The following POFUT3 variants were observed in gnomAD, a reference collection of about 807,000 sequenced individuals.
POFUT3 encodes GDP-fucose protein O-fucosyltransferase 3.
the POFUT3 span, among the ~76,000 whole-genome samples, chr8:33,384,315 C>T: frequency 1.3e-5 from 2 of 152,170 alleles, no homozygotes; most frequent in Admixed American, 1.3e-4. Flanking sequence ...GATCTACCAG[C>T]AACAATGATC....
the POFUT3 span, among the ~76,000 whole-genome samples, chr8:33,449,158 T>C: frequency 6.6e-6 from 1 of 151,874 alleles, no homozygotes; most frequent in East Asian, 1.9e-4. Flanking sequence ...GTGCCTGATA[T>C]ACAGTACTCA....
chr8:33,396,231 C>T, the POFUT3 span, among the ~76,000 whole-genome samples: 24 of 152,206 alleles, frequency 1.6e-4, no homozygotes, highest in East Asian at 4.3e-3. Context: ...CCTCTCCAGT[C>T]GAAGCGTAGC....
the POFUT3 span, chr8:33,436,167 C>T: frequency 8.1e-7 from 1 of 1,227,180 alleles, no homozygotes; most frequent in African/African-American, 1.5e-5. Context: ...AAATTAAGGT[C>T]CACGGTTCCT....
chr8:33,384,881 A>G, the POFUT3 span, among the ~76,000 whole-genome samples: 1 of 152,028 alleles, frequency 6.6e-6, no homozygotes, highest in Non-Finnish European at 1.5e-5. Context: ...ACTAACTCAG[A>G]CTCAGGGACC....
At chr8:33,434,233 C>T in the POFUT3 span, among the ~76,000 whole-genome samples, 1 of 152,214 alleles carries the variant, frequency 6.6e-6, no homozygotes, top group Non-Finnish European at 1.5e-5. Context: ...TGCACTCCAG[C>T]CTGGGCAGCA....
At chr8:33,312,894 C>T in the POFUT3 span, among the ~76,000 whole-genome samples, 1 of 152,138 alleles carries the variant, frequency 6.6e-6, no homozygotes, top group African/African-American at 2.4e-5. Flanking sequence ...TGCCTTCTAG[C>T]ACCTAGGCCA....
the POFUT3 span, among the ~76,000 whole-genome samples, chr8:33,407,664 G>A: frequency 6.6e-6 from 1 of 152,144 alleles, no homozygotes; most frequent in South Asian, 2.1e-4. Flanking sequence ...AGTTTCCACA[G>A]GGACTCTCCC....
the POFUT3 span, among the ~76,000 whole-genome samples, chr8:33,386,676 G>A: frequency 7.2e-5 from 11 of 152,086 alleles, no homozygotes; most frequent in Non-Finnish European, 1.2e-4. Context: ...CAGGCGTGGT[G>A]GCGGGTGCCT....
the POFUT3 span, chr8:33,372,939 G>C: frequency 3.0e-5 from 23 of 764,968 alleles, no homozygotes; most frequent in Admixed American, 4.3e-4. Context: ...CTCACATATT[G>C]CCTCACTTAA....
the POFUT3 span, chr8:33,394,257 TG>T: frequency 1.0e-5 from 2 of 192,970 alleles, no homozygotes; most frequent in Non-Finnish European, 2.2e-5. Context: ...TCTTGGGACC[TG>T]GCATGAGGTA....
the POFUT3 span, among the ~76,000 whole-genome samples, chr8:33,467,767 G>A: frequency 2.6e-5 from 4 of 152,128 alleles, no homozygotes; most frequent in Non-Finnish European, 1.5e-5. Context: ...GACAGAAGAG[G>A]GACTGAATAT....
chr8:33,351,461 G>A, the POFUT3 span, among the ~76,000 whole-genome samples: 1 of 152,028 alleles, frequency 6.6e-6, no homozygotes, highest in Non-Finnish European at 1.5e-5. Context: ...GGGGGTGTGA[G>A]TGAGTTCTTG....
chr8:33,428,160 CCTT>C, the POFUT3 span, among the ~76,000 whole-genome samples: 1 of 152,062 alleles, frequency 6.6e-6, no homozygotes, highest in African/African-American at 2.4e-5. Context: ...TTCCTCATCT[CCTT>C]CTCTCTCCTG....
At chr8:33,466,024 A>T in the POFUT3 span, among the ~76,000 whole-genome samples, 1 of 152,204 alleles carries the variant, frequency 6.6e-6, no homozygotes, top group Admixed American at 6.6e-5. Flanking sequence ...GAACTATGAC[A>T]GAAGAATTTT....
chr8:33,388,204 G>A, the POFUT3 span, among the ~76,000 whole-genome samples: 1 of 152,076 alleles, frequency 6.6e-6, no homozygotes, highest in Non-Finnish European at 1.5e-5. Context: ...CAAGCAAAAT[G>A]AAAATGAGTT....
At chr8:33,459,555 T>C in the POFUT3 span, among the ~76,000 whole-genome samples, 1 of 151,346 alleles carries the variant, frequency 6.6e-6, no homozygotes, top group African/African-American at 2.4e-5. Context: ...GTTGGGAGGA[T>C]TTTTTTGAGC....
chr8:33,433,365 C>A, the POFUT3 span, among the ~76,000 whole-genome samples: 1 of 152,120 alleles, frequency 6.6e-6, no homozygotes, highest in Admixed American at 6.6e-5. Flanking sequence ...AATCCCAGCA[C>A]TTTGGCAGGA....
chr8:33,408,787 G>C, the POFUT3 span, among the ~76,000 whole-genome samples: 1 of 152,042 alleles, frequency 6.6e-6, no homozygotes, highest in African/African-American at 2.4e-5. Flanking sequence ...TGTTTTTTGG[G>C]GGTGGAGAGT....
chr8:33,318,729 T>C, the POFUT3 span, among the ~76,000 whole-genome samples: 2 of 72,074 alleles, frequency 2.8e-5, no homozygotes, highest in African/African-American at 1.2e-4. Context: ...TGTATATATA[T>C]TTTATATATA....
Sources: gnomAD v4.1 joint callset for allele counts (sites outside exome capture counted in the v4.1 genomes callset) on GRCh38, gnomAD v4.1.1 for gene constraint, MANE v1.5 for transcripts, NCBI Gene and HGNC (gene_info 2026-07-23, HGNC 2026-07-21) for gene names.